Variants in KIAA2012 observed in about 807,000 individuals in gnomAD.
The protein encoded by KIAA2012 is KIAA2012, also known as uncharacterized protein KIAA2012.
KIAA2012 carries 125 observed loss-of-function variants against 150.6 expected under a neutral mutation model. The observed-to-expected ratio is 0.83, with a 90% CI of 0.72 to 0.96. The LOEUF (loss-of-function observed/expected upper bound fraction) is 0.96, where lower values mean the gene tolerates loss of function less well. KIAA2012 is among the 40% of genes least tolerant of loss of function. The probability of loss-of-function intolerance (pLI) is 0.00; values close to 1 mark genes in which losing one functional copy is unlikely to be tolerated. For missense variants in KIAA2012, 1,219 were observed against 1,354.9 expected (o/e 0.90, Z 1.57); for synonymous variants, 462 against 504.7 (o/e 0.92, Z 1.13).
chr2:202,081,906 G>T (rs913233195), intron 2 of KIAA2012, among the ~76,000 whole-genome samples: 2 of 151,880 alleles, frequency 1.3e-5, no homozygotes, highest in African/African-American at 4.8e-5. Flanking sequence ...ATGATGATTG[G>T]GTGTTCACAT....
chr2:202,158,140 G>A (rs549234415), intron 14 of KIAA2012, among the ~76,000 whole-genome samples: 4 of 152,210 alleles, frequency 2.6e-5, no homozygotes, highest in South Asian at 2.1e-4. Flanking sequence ...GACTACAGGC[G>A]CCCGCCACCA....
At chr2:202,092,082 A>G (rs112043882) in intron 3 of KIAA2012, among the ~76,000 whole-genome samples, 176 of 152,316 alleles carry the variant, frequency 1.2e-3, no homozygotes, top group African/African-American at 4.0e-3. Context: ...CCTAGGTCCA[A>G]CATTCCCCAG....
intron 10 of KIAA2012, among the ~76,000 whole-genome samples, chr2:202,111,673 G>A (rs1438200542): frequency 6.6e-6 from 1 of 152,130 alleles, no homozygotes; most frequent in Non-Finnish European, 1.5e-5. Flanking sequence ...GTGCTTGTGT[G>A]CATGCATGTC....
chr2:202,111,899 C>G (rs1054306695), intron 10 of KIAA2012, among the ~76,000 whole-genome samples: 1 of 152,102 alleles, frequency 6.6e-6, no homozygotes. Flanking sequence ...GTGTGTACTC[C>G]TTAGCATCCA....
intron 10 of KIAA2012, among the ~76,000 whole-genome samples, chr2:202,110,479 A>G (rs1559207556): frequency 6.6e-6 from 1 of 152,248 alleles, no homozygotes; most frequent in Non-Finnish European, 1.5e-5. Context: ...GGAGACTGAC[A>G]GACCATTTTC....
chr2:202,190,176 A>G lies in KIAA2012; in HGVS notation c.2494A>G (p.Lys832Glu). The change falls in exon 19 of 24, where the codon AAG becomes GAG. Residue 832 changes from lysine (K) to glutamate (E), a missense_variant and splice_region_variant. Physicochemically the swap from Lys to Glu is moderately conservative, Grantham distance 56 (BLOSUM62 1). Coordinates refer to ENST00000498697, the MANE Select transcript of KIAA2012 (RefSeq NM_001277372.4). ...TATCCCCAATTGTTCTCCCCCAGGA[A>G]AGTCAAAGGACTCAAAGGCTAAAAA... is the stretch of plus-strand genomic sequence containing the variant. Reference protein sequence around the residue: ...VYGQAEAAIGKSKDSKAKKKL... With the variant: ...VYGQAEAAIGESKDSKAKKKL... 6.6e-7 allele frequency: 1 copy of G among 1,515,338 alleles called. No homozygotes were observed. The highest frequency in any genetic ancestry group is 8.8e-7 in the Non-Finnish European group (1 of 1,137,324). 93.9% of individuals were successfully genotyped at this position (1,515,338 alleles called of 1,614,324 possible). A position where few individuals can be genotyped will look rare whatever the true frequency, so the allele number is the denominator to read the frequency against.
rs1018696099 is a variant in KIAA2012, at chr2:202,089,976, T to C, written c.370-794T>C. On this transcript the variant is annotated intron_variant, in intron 2 of 23. Transcript: ENST00000498697. ...AATGGATTCTGAGATCACCTTCAGTTCAGCAGTCAAGAATCCTGTGATTGA... is the reference window on the plus strand; with the variant it reads ...AATGGATTCTGAGATCACCTTCAGTCCAGCAGTCAAGAATCCTGTGATTGA... Among the ~76,000 whole-genome samples, 11 of 152,354 alleles carry C rather than the reference T, an allele frequency of 7.2e-5. No individual in the cohort carries two copies. In the East Asian group the frequency reaches 2.1e-3, roughly 29 times the overall value.
intron 22 of KIAA2012, chr2:202,201,540 A>C: frequency 6.2e-7 from 1 of 1,609,524 alleles, no homozygotes. Context: ...CCCAGCTCCA[A>C]ATCTGGCACC....
Position 202,125,904 on chromosome 2 carries a change from A to T in KIAA2012, c.1831+622A>T, listed in dbSNP as rs1423758788. 4 of 420,478 alleles carry T rather than the reference A, an allele frequency of 9.5e-6. No individual in the cohort carries two copies. The East Asian group carries it at 3.3e-4, about 35-fold the overall frequency. 26.0% of individuals were successfully genotyped at this position (420,478 alleles called of 1,614,324 possible). ...TCTCTCCTAAAAATAGTCTTTGATT[A>T]ACAGAGAAATGTGAGTGGTGTTCCT... On this transcript the variant is annotated intron_variant, in intron 12 of 23. Coordinates refer to ENST00000498697, the MANE Select transcript of KIAA2012 (RefSeq NM_001277372.4).
intron 19 of KIAA2012, among the ~76,000 whole-genome samples, chr2:202,192,960 C>T (rs569424764): frequency 1.8e-4 from 28 of 152,128 alleles, no homozygotes; most frequent in Non-Finnish European, 2.2e-4. Context: ...AAAGTGCAGC[C>T]ATGGTTGAGA....
intron 15 of KIAA2012, among the ~76,000 whole-genome samples, chr2:202,175,064 T>C (rs1488828134): frequency 1.3e-5 from 2 of 152,264 alleles, no homozygotes; most frequent in South Asian, 2.1e-4. Context: ...GATATGACCT[T>C]TAAATCTCAT....
chr2:202,095,901 T>C (rs1689859865), intron 4 of KIAA2012, among the ~76,000 whole-genome samples: 1 of 152,120 alleles, frequency 6.6e-6, no homozygotes, highest in African/African-American at 2.4e-5. Flanking sequence ...CTGGCCAACA[T>C]GGTGAAACCC....
intron 22 of KIAA2012, chr2:202,197,862 T>TAA (rs71025286): frequency 0.081 from 9,194 of 113,942 alleles, 440 homozygotes; most frequent in South Asian, 0.11. Context: ...AGACTCTCTT[T>TAA]AAAAAAAAAA....
chr2:202,161,253 G>A (rs1180543386), intron 14 of KIAA2012, among the ~76,000 whole-genome samples: 2 of 152,080 alleles, frequency 1.3e-5, no homozygotes, highest in African/African-American at 4.8e-5. Context: ...TTTCAATGCT[G>A]TAGTTTGTGT....
intron 11 of KIAA2012, among the ~76,000 whole-genome samples, chr2:202,124,475 G>T (rs1243253958): frequency 6.6e-6 from 1 of 152,078 alleles, no homozygotes; most frequent in Non-Finnish European, 1.5e-5. Flanking sequence ...GGCTCCCCTG[G>T]TCCAACACTC....
rs1329227158 is a variant in KIAA2012 at position 202,187,096 on chromosome 2, C to G, written c.2374C>G (p.His792Asp). Residue 792 changes from histidine to aspartate, a missense_variant and splice_region_variant, in exon 17 of 24, where the codon CAT (histidine) becomes GAT (aspartate). By Grantham distance (81) the His-to-Asp change is moderately conservative (BLOSUM62 -1). Coordinates refer to ENST00000498697, the MANE Select transcript of KIAA2012 (RefSeq NM_001277372.4). ...CCAGGAGACATCAGCCAACATCAGT[C>G]ATGTGAGTGTAAACCCCTAAAAGCT... ...FSQETSANIS[H>D]ERDLINEAKR... 3.9e-6 allele frequency: 6 copies of G among 1,550,240 alleles called. No individual in the cohort carries two copies. The highest frequency in any genetic ancestry group is 5.2e-6 in the Non-Finnish European group (6 of 1,146,896).
rs1162657754 is a variant in KIAA2012, at chr2:202,184,797, C to T, written c.2164C>T (p.Arg722Trp). The change falls in exon 16 of 24, where the codon CGG becomes TGG. Residue 722 changes from arginine (R) to tryptophan (W), a missense_variant. Physicochemically the swap from Arg to Trp is moderately radical, Grantham distance 101. Coordinates refer to ENST00000498697, the MANE Select transcript of KIAA2012 (RefSeq NM_001277372.4). ...GACCCTTGACTCTCCCAGGGCTTCC[C>T]GGACTGAGCACATCCAGACCCCAGA... is the stretch of plus-strand genomic sequence containing the variant. ...SMTLDSPRASRTEHIQTPEAD... is the reference protein window; with the variant it reads ...SMTLDSPRASWTEHIQTPEAD... 3.2e-6 allele frequency: 5 copies of T among 1,549,388 alleles called. No individual in the cohort carries two copies. Among genetic ancestry groups the T allele is most frequent in the African/African-American group, 2.7e-5 (2 of 73,014 alleles).
intron 9 of KIAA2012, among the ~76,000 whole-genome samples, chr2:202,107,252 G>C (rs1005066034): frequency 1.3e-5 from 2 of 149,294 alleles, no homozygotes; most frequent in Non-Finnish European, 3.0e-5. Flanking sequence ...AATAAAAAAA[G>C]AATAAAAGAA....
Position 202,090,841 on chromosome 2 carries a change from G to A in KIAA2012, c.441G>A (p.Gln147=). 6.4e-7 allele frequency: 1 copy of A among 1,550,614 alleles called. No individual in the cohort carries two copies. Among genetic ancestry groups the A allele is most frequent in the Non-Finnish European group, 8.7e-7 (1 of 1,146,984 alleles). ...AGCTGGAGAGCCAGGCCCAACGGCA[G>A]ATCCAGCCAGGGCATTCAGCCAAGA... The part of the protein sequence containing the change: ...RSQLESQAQR[Q]IQPGHSAKRY... The change falls in exon 3 of 24, where the codon CAG becomes CAA. Residue 147 remains glutamine (Q), a synonymous_variant. Transcript: ENST00000498697.
Sources: allele counts gnomAD v4.1 joint callset (sites outside exome capture counted in the v4.1 genomes callset), GRCh38; gene constraint gnomAD v4.1.1; transcripts MANE v1.5; gene names NCBI Gene and HGNC (gene_info 2026-07-23, HGNC 2026-07-21).